Variants in NYAP2 observed in about 807,000 individuals in gnomAD.
NYAP2 encodes neuronal tyrosine-phosphorylated phosphoinositide-3-kinase adapter 2.
Under a neutral mutation model 50.4 loss-of-function variants are expected in NYAP2, and 23 were observed. That is an observed-to-expected ratio of 0.46 (90% CI 0.33 to 0.65). The LOEUF is 0.65. Ranked by LOEUF, NYAP2 falls within the 30% of genes least tolerant of loss-of-function variation. The pLI is 0.02. For synonymous variants in NYAP2, 394 were observed against 365.2 expected (o/e 1.08, Z -0.90); for missense variants, 885 against 861.0 (o/e 1.03, Z -0.35).
At chr2:225,432,144 A>ATTTTTTTTTTTTT (rs751205603) in intron 3 of NYAP2, among the ~76,000 whole-genome samples, 3 of 119,522 alleles carry the variant, frequency 2.5e-5, no homozygotes, top group Non-Finnish European at 3.5e-5. Flanking sequence ...CGCCCGCCTA[A>ATTTTTTTTTTTTT]TTTTTTTTTT....
At chr2:225,406,446 T>C (rs958592591) in intron 2 of NYAP2, among the ~76,000 whole-genome samples, 12 of 151,952 alleles carry the variant, frequency 7.9e-5, no homozygotes, top group African/African-American at 2.4e-4. Flanking sequence ...AAATCAACAC[T>C]AGTCACAAGT....
chr2:225,629,632 C>T (rs140375590), intron 6 of NYAP2, among the ~76,000 whole-genome samples: 320 of 152,262 alleles, frequency 2.1e-3, no homozygotes, highest in South Asian at 5.4e-3. Flanking sequence ...GGCTTCTGCT[C>T]ACCATGAGGT....
At chr2:225,425,327 T>C (rs1234107075) in intron 3 of NYAP2, among the ~76,000 whole-genome samples, 1 of 152,226 alleles carries the variant, frequency 6.6e-6, no homozygotes, top group African/African-American at 2.4e-5. Context: ...ACTGTGTGTG[T>C]GTTTGATCTA....
chr2:225,560,171 A>G (rs1368996150), intron 4 of NYAP2, among the ~76,000 whole-genome samples: 1 of 152,114 alleles, frequency 6.6e-6, no homozygotes, highest in African/African-American at 2.4e-5. Flanking sequence ...ATATATATGC[A>G]TAATAGACAC....
At chr2:225,577,802 G>T (rs1692194170) in intron 4 of NYAP2, among the ~76,000 whole-genome samples, 1 of 91,000 alleles carries the variant, frequency 1.1e-5, no homozygotes, top group Admixed American at 1.5e-4. Flanking sequence ...GGAATGAAAA[G>T]CAGATTTTTT....
chr2:225,481,061 C>G (rs924032369), intron 3 of NYAP2, among the ~76,000 whole-genome samples: 8 of 152,062 alleles, frequency 5.3e-5, no homozygotes, highest in Admixed American at 1.3e-4. Context: ...CAGAATCATT[C>G]TTAATGTGTT....
chr2:225,600,668 A>G (rs1471420787), intron 5 of NYAP2, among the ~76,000 whole-genome samples: 1 of 152,172 alleles, frequency 6.6e-6, no homozygotes, highest in African/African-American at 2.4e-5. Flanking sequence ...CAGTTTCACA[A>G]TCATCACCAC....
intron 4 of NYAP2, among the ~76,000 whole-genome samples, chr2:225,514,572 C>T (rs1004420703): frequency 5.3e-5 from 8 of 152,128 alleles, no homozygotes; most frequent in Admixed American, 2.6e-4. Context: ...CTGGCCTCTT[C>T]GTAGGAGGAT....
intron 3 of NYAP2, among the ~76,000 whole-genome samples, chr2:225,484,725 C>T (rs966544217): frequency 1.3e-5 from 2 of 152,212 alleles, no homozygotes; most frequent in African/African-American, 2.4e-5. Context: ...CTCTGTAAGG[C>T]TAATCTCTGC....
chr2:225,651,439 A>G (rs769213419), exon 7 of NYAP2: 3 of 1,614,006 alleles, frequency 1.9e-6, no homozygotes, highest in Non-Finnish European at 8.5e-7. Context: ...CAGAGCCTAA[A>G]GTAAGCTGCA....
chr2:225,659,810 GA>G, the NYAP2 span, among the ~76,000 whole-genome samples: 6 of 152,072 alleles, frequency 3.9e-5, no homozygotes, highest in African/African-American at 1.2e-4. Flanking sequence ...TTACTTGTGG[GA>G]AAAAAATATT....
the NYAP2 span, among the ~76,000 whole-genome samples, chr2:225,678,183 G>C: frequency 1.3e-5 from 2 of 151,554 alleles, no homozygotes; most frequent in Admixed American, 6.6e-5. Context: ...ATTTTGTCTA[G>C]ATTTTCTAAC....
At chr2:225,499,927 T>C (rs1436873921) in intron 3 of NYAP2, among the ~76,000 whole-genome samples, 1 of 152,140 alleles carries the variant, frequency 6.6e-6, no homozygotes, top group Non-Finnish European at 1.5e-5. Flanking sequence ...CTCACGATGT[T>C]TGAGCTAAGT....
At chr2:225,549,953 C>A (rs1055455958) in intron 4 of NYAP2, among the ~76,000 whole-genome samples, 6 of 151,426 alleles carry the variant, frequency 4.0e-5, no homozygotes, top group Non-Finnish European at 7.4e-5. Flanking sequence ...CCACTGCACT[C>A]CAGCCTGGGC....
chr2:225,612,801 T>TCACACCCAATGTGTGTGATGACAA, intron 5 of NYAP2, among the ~76,000 whole-genome samples: 1 of 59,422 alleles, frequency 1.7e-5, no homozygotes, highest in Non-Finnish European at 4.1e-5. Context: ...CCTTTGGACA[T>TCACACCCAATGTGTGTGATGACAA]CACACCCAAT....
At position 225,599,138 on chromosome 2, in the gene NYAP2, A is replaced by G. The variant is rs116642909; in HGVS notation, c.1618+16103A>G. On this transcript the variant is annotated intron_variant, in intron 5 of 6. Transcript: ENST00000636099. ...AGAAGACTGTGGAAGCTATTGAGCAAGATAAGTGAAGGCATACCCGAGTTC... is the reference window on the plus strand; with the variant it reads ...AGAAGACTGTGGAAGCTATTGAGCAGGATAAGTGAAGGCATACCCGAGTTC... 1.4e-3 allele frequency among the ~76,000 whole-genome samples: 207 copies of G among 152,246 alleles called. 1 individual carries two copies. The highest frequency in any genetic ancestry group is 4.8e-3 in the African/African-American group (201 of 41,556).
intron 4 of NYAP2, among the ~76,000 whole-genome samples, chr2:225,518,582 T>TTA (rs375598039): frequency 0.033 from 2,395 of 71,626 alleles, 279 homozygotes; most frequent in African/African-American, 0.067. Flanking sequence ...GCGTGTGCGC[T>TTA]TATATATATA....
intron 3 of NYAP2, among the ~76,000 whole-genome samples, chr2:225,508,662 T>A (rs1013424639): frequency 3.9e-5 from 6 of 152,156 alleles, no homozygotes; most frequent in Non-Finnish European, 5.9e-5. Context: ...CAGACTGTGA[T>A]GCAGTGATGA....
intron 4 of NYAP2, among the ~76,000 whole-genome samples, chr2:225,558,726 G>T (rs1479241412): frequency 6.6e-6 from 1 of 152,092 alleles, no homozygotes; most frequent in Non-Finnish European, 1.5e-5. Context: ...TTTTCGGGGG[G>T]TGCCATTGTT....
Sources: gnomAD v4.1 joint callset for allele counts (sites outside exome capture counted in the v4.1 genomes callset) on GRCh38, gnomAD v4.1.1 for gene constraint, MANE v1.5 for transcripts, NCBI Gene and HGNC (gene_info 2026-07-23, HGNC 2026-07-21) for gene names.